The following UBAC2 variants were observed in gnomAD, a reference collection of about 807,000 sequenced individuals.
The protein encoded by UBAC2 is ubiquitin-associated domain-containing protein 2.
Under a neutral mutation model 44.0 loss-of-function variants are expected in UBAC2, and 26 were observed. The ratio of observed to expected loss-of-function variants is 0.59; its 90% CI spans 0.43 to 0.82. The LOEUF (loss-of-function observed/expected upper bound fraction) is 0.82. UBAC2 is among the 40% of genes least tolerant of loss of function. UBAC2 has a pLI of 0.00. For missense variants in UBAC2, 329 were observed against 419.4 expected (o/e 0.78, Z 1.88); for synonymous variants, 155 against 154.3 (o/e 1.00, Z -0.04).
intron 4 of UBAC2, among the ~76,000 whole-genome samples, chr13:99,310,134 G>A (rs2044392728): frequency 6.6e-6 from 1 of 152,218 alleles, no homozygotes; most frequent in Non-Finnish European, 1.5e-5. Context: ...TGAGATCACT[G>A]TGGGGAACAC....
At chr13:99,238,772 T>C (rs959516830) in intron 2 of UBAC2, among the ~76,000 whole-genome samples, 2 of 152,228 alleles carry the variant, frequency 1.3e-5, no homozygotes, top group Non-Finnish European at 2.9e-5. Context: ...TTAGGCACAT[T>C]TGTTTTCAGT....
intron 1 of UBAC2, among the ~76,000 whole-genome samples, chr13:99,230,651 T>G (rs2043161531): frequency 6.6e-6 from 1 of 152,188 alleles, no homozygotes; most frequent in Non-Finnish European, 1.5e-5. Context: ...TCACATTTCT[T>G]GACTCATGAC....
At chr13:99,356,315 G>T (rs185140049) in intron 7 of UBAC2, 3 of 438,358 alleles carry the variant, frequency 6.8e-6, no homozygotes, top group Non-Finnish European at 1.0e-5. Context: ...CAGGCAAGGC[G>T]TGTGGCCTTT....
chr13:99,231,625 G>C (rs551028459), intron 1 of UBAC2: 1 of 151,988 alleles, frequency 6.6e-6, no homozygotes, highest in Non-Finnish European at 1.5e-5. Flanking sequence ...TGACCAGGCT[G>C]GTCTCAAACT....
chr13:99,316,459 C>T (rs1219192344), intron 5 of UBAC2, among the ~76,000 whole-genome samples: 2 of 152,200 alleles, frequency 1.3e-5, no homozygotes, highest in African/African-American at 4.8e-5. Flanking sequence ...GAATCATAAT[C>T]GGAAGAGCCA....
chr13:99,213,414 G>A (rs1179335374), intron 1 of UBAC2, among the ~76,000 whole-genome samples: 1 of 151,970 alleles, frequency 6.6e-6, no homozygotes, highest in Admixed American at 6.6e-5. Flanking sequence ...AGCCTGGAGT[G>A]CAATGGTGTG....
chr13:99,305,886 C>CATTTATTT lies in UBAC2; in HGVS notation c.390-8196_390-8189dup, dbSNP rs10633287. On this transcript the variant is annotated intron_variant, in intron 4 of 8. Transcript: ENST00000403766. ...GTGTGATCATCCATAGACTCAGGGC[C>CATTTATTT]ATTTATTTATTTATTTATTTATCTA... Among the ~76,000 whole-genome samples, 1,104 of 151,624 alleles carry CATTTATTT rather than the reference C, an allele frequency of 7.3e-3. 18 individuals carry two copies. Among genetic ancestry groups the CATTTATTT allele is most frequent in the African/African-American group, 0.025 (1,033 of 41,280 alleles).
At chr13:99,329,501 G>A (rs1401048412) in intron 6 of UBAC2, among the ~76,000 whole-genome samples, 1 of 152,168 alleles carries the variant, frequency 6.6e-6, no homozygotes, top group African/African-American at 2.4e-5. Context: ...TACTTATAAT[G>A]AATAGAATGT....
chr13:99,305,233 G>C (rs550488087), intron 4 of UBAC2, among the ~76,000 whole-genome samples: 1 of 152,032 alleles, frequency 6.6e-6, no homozygotes, highest in South Asian at 2.1e-4. Context: ...TCTTCTCTTT[G>C]GGCTTCCAAA....
chr13:99,223,498 A>G (rs548901783), intron 1 of UBAC2, among the ~76,000 whole-genome samples: 27 of 96,800 alleles, frequency 2.8e-4, no homozygotes, highest in Non-Finnish European at 5.7e-4. Flanking sequence ...ATTTCTTTAT[A>G]TCTGCTTGCT....
chr13:99,295,109 A>G lies in UBAC2; in HGVS notation c.390-18988A>G. 6.2e-7 allele frequency: 1 copy of G among 1,614,054 alleles called. No homozygotes were observed. The highest frequency in any genetic ancestry group is 1.1e-5 in the South Asian group (1 of 91,062). The stretch of plus-strand genomic sequence containing the variant: ...ATGTATCATCATCTGCGTTTCTGTC[A>G]TTTCACGTGAATTTTCTTCAGGGGC... On this transcript the variant is annotated intron_variant, in intron 4 of 8. Transcript: ENST00000403766. This position sits in a 1 kb window ranked among gnomAD's most constrained non-coding sequence, Gnocchi z 4.1.
intron 4 of UBAC2, among the ~76,000 whole-genome samples, chr13:99,300,064 C>T (rs1438357796): frequency 6.6e-6 from 1 of 152,204 alleles, no homozygotes; most frequent in Non-Finnish European, 1.5e-5. Flanking sequence ...TCAACTATAT[C>T]ATGGCACATG....
chr13:99,350,173 C>T (rs534842747), intron 7 of UBAC2, among the ~76,000 whole-genome samples: 1 of 152,316 alleles, frequency 6.6e-6, no homozygotes, highest in African/African-American at 2.4e-5. Flanking sequence ...TGTCCATGAT[C>T]ATCTCTATAT....
chr13:99,372,910 C>T (rs554591160), intron 8 of UBAC2, among the ~76,000 whole-genome samples: 2 of 152,094 alleles, frequency 1.3e-5, no homozygotes, highest in South Asian at 4.2e-4. Flanking sequence ...GTCAGGAGAT[C>T]GAGACCATCC....
chr13:99,369,659 G>A (rs946526242), intron 8 of UBAC2, among the ~76,000 whole-genome samples: 4 of 152,162 alleles, frequency 2.6e-5, no homozygotes, highest in South Asian at 2.1e-4. Context: ...GTTGAGGAGC[G>A]CTTGTAATCT....
intron 4 of UBAC2, among the ~76,000 whole-genome samples, chr13:99,304,544 G>A (rs1316923767): frequency 1.3e-5 from 2 of 152,296 alleles, no homozygotes; most frequent in Admixed American, 6.5e-5. Context: ...TTAAAGAATA[G>A]CAACATTGCA....
intron 7 of UBAC2, among the ~76,000 whole-genome samples, chr13:99,350,107 G>A (rs1419856300): frequency 6.6e-6 from 1 of 152,102 alleles, no homozygotes; most frequent in Non-Finnish European, 1.5e-5. Context: ...TATTAGTAAT[G>A]CAACAAAGAG....
intron 4 of UBAC2, chr13:99,308,718 G>T (rs1294338343): frequency 1.3e-5 from 2 of 152,222 alleles, no homozygotes; most frequent in Non-Finnish European, 2.9e-5. Context: ...AAAGTGCTGT[G>T]AGTATGGAGG....
intron 8 of UBAC2, among the ~76,000 whole-genome samples, chr13:99,382,714 C>T (rs1193069084): frequency 6.6e-6 from 1 of 152,204 alleles, no homozygotes; most frequent in Non-Finnish European, 1.5e-5. Context: ...ACAGACACAG[C>T]TGCAGGGAGC....
Sources: gnomAD v4.1 joint callset for allele counts (sites outside exome capture counted in the v4.1 genomes callset) on GRCh38, gnomAD v4.1.1 for gene constraint, Gnocchi (gnomAD v3.1) non-coding constraint, MANE v1.5 for transcripts, NCBI Gene and HGNC (gene_info 2026-07-23, HGNC 2026-07-21) for gene names.